Variants in PASK observed in about 807,000 individuals in gnomAD.
PASK encodes the protein PAS domain containing serine/threonine kinase.
A neutral mutation model predicts 121.0 loss-of-function variants in PASK; 110 were observed. That is an observed-to-expected ratio of 0.91 (90% CI 0.78 to 1.06). PASK has a LOEUF of 1.06. Ranked by LOEUF, PASK falls within the 50% of genes least tolerant of loss-of-function variation. The pLI is 0.00. For missense variants in PASK, 1,643 were observed against 1,702.3 expected (o/e 0.97, Z 0.61); for synonymous variants, 686 against 717.8 (o/e 0.96, Z 0.71).
At position 241,137,239 on chromosome 2, in the gene PASK, C is replaced by G; in HGVS notation, c.902G>C (p.Gly301Ala). ...GAAGGTGGTACCGTCCCTGGCTCTT[C>G]CAACAGACCTCTGAATCTTGAGATT... ...PKNLKIQRSVGRARDGTTFPL... is the reference protein window; with the variant it reads ...PKNLKIQRSVARARDGTTFPL... Residue 301 changes from glycine (G) to alanine (A), a missense_variant, in exon 7 of 18, where the codon GGA (glycine) becomes GCA (alanine). This residue lies in a region of PASK where 1,176 missense variants were observed against 1,162.2 expected (regional missense o/e 1.01). Transcript: ENST00000234040. 1.2e-6 allele frequency: 2 copies of G among 1,613,668 alleles called. No individual in the cohort carries two copies. Among genetic ancestry groups the G allele is most frequent in the African/African-American group, 2.7e-5 (2 of 75,056 alleles).
rs779467871 is a variant in PASK, at chr2:241,126,669, C to T, written c.2246G>A (p.Ser749Asn). Reference protein sequence around the residue: ...FSWNLKELFFSDQTDQTSSNC... With the variant: ...FSWNLKELFFNDQTDQTSSNC... Reference sequence around the variant, plus strand: ...TGATGACGTTTGGTCTGTCTGGTCACTGAAAAAGAGTTCCTTGAGGTTCCA... The same window carrying T: ...TGATGACGTTTGGTCTGTCTGGTCATTGAAAAAGAGTTCCTTGAGGTTCCA... Residue 749 changes from serine (S) to asparagine (N), a missense_variant, in exon 10 of 18, where the codon AGT (serine) becomes AAT (asparagine). This residue lies in a region of PASK where 1,176 missense variants were observed against 1,162.2 expected (regional missense o/e 1.01). Transcript: ENST00000234040. 1.2e-6 allele frequency: 2 copies of T among 1,614,096 alleles called. No individual in the cohort carries two copies. Among genetic ancestry groups the T allele is most frequent in the African/African-American group, 2.7e-5 (2 of 74,930 alleles).
At position 241,112,490 on chromosome 2, in the gene PASK, A is replaced by G; in HGVS notation, c.3334-51T>C. ...TTTTTAAAAAAGCAATTCAACTAAAATATGCATTTAAAATAAACTGGAACA... is the reference window on the plus strand; with the variant it reads ...TTTTTAAAAAAGCAATTCAACTAAAGTATGCATTTAAAATAAACTGGAACA... On this transcript the variant is annotated intron_variant, in intron 14 of 17. Transcript: ENST00000234040. The surrounding 1 kb of genome is among the most constrained non-coding windows in gnomAD (Gnocchi z 5.2). 2 of 1,175,780 alleles carry G rather than the reference A, an allele frequency of 1.7e-6. No individual in the cohort carries two copies. The highest frequency in any genetic ancestry group is 1.2e-6 in the Non-Finnish European group (1 of 805,742). 72.8% of individuals were successfully genotyped at this position (1,175,780 alleles called of 1,614,324 possible).
chr2:241,130,672 C>T (rs1031979376), intron 9 of PASK, among the ~76,000 whole-genome samples: 10 of 152,274 alleles, frequency 6.6e-5, no homozygotes, highest in African/African-American at 2.2e-4. Flanking sequence ...CAAATAGAGC[C>T]AACAGCTACC....
chr2:241,107,176 G>A (rs983414787), intron 17 of PASK, among the ~76,000 whole-genome samples, 177 bp downstream of exon 17: 1 of 152,166 alleles, frequency 6.6e-6, no homozygotes, highest in Non-Finnish European at 1.5e-5. Flanking sequence ...GAGGCCTCGG[G>A]ACAGAATCAA....
chr2:241,131,352 G>A (rs1482203615), intron 9 of PASK, among the ~76,000 whole-genome samples: 2 of 152,130 alleles, frequency 1.3e-5, no homozygotes, highest in African/African-American at 4.8e-5. Context: ...GTTGCACCGT[G>A]TTAGCCAGGA....
In PASK at chr2:241,147,228, T is replaced by C. The variant is rs544277586; in HGVS notation, c.-43+2186A>G. ...CACTTAATTATAGCTTCAGAATACA[T>C]TGTAAATGTTGTAAAACCTTACTTT... On this transcript the variant is annotated intron_variant, in intron 1 of 17. Transcript: ENST00000234040. Among the ~76,000 whole-genome samples the C allele has an allele frequency of 1.1e-4, 16 of 152,334 alleles. No homozygotes were observed. The South Asian group carries it at 1.2e-3, about 12-fold the overall frequency.
chr2:241,126,169 C>A, intron 10 of PASK, 27 bp downstream of exon 10: 1 of 1,611,378 alleles, frequency 6.2e-7, no homozygotes, highest in South Asian at 1.1e-5. Flanking sequence ...GAGCACCACA[C>A]TTCTTCCTAT....
At chr2:241,134,529 G>A (rs1428834496) in intron 8 of PASK, 1 of 152,242 alleles carries the variant, frequency 6.6e-6, no homozygotes, top group East Asian at 1.9e-4. Flanking sequence ...ACAATGCCCA[G>A]ACAGCTAAAG....
rs558796291 is a variant in PASK, at chr2:241,115,851, C to T, written c.3073-438G>A. On this transcript the variant is annotated intron_variant, in intron 12 of 17. Transcript: ENST00000234040. Reference sequence around the variant, plus strand: ...CCAGTCCTCAAGCATCCCATTACGCCGGGGCCACCCGGTCCCCAAGCATCC... The same window carrying T: ...CCAGTCCTCAAGCATCCCATTACGCTGGGGCCACCCGGTCCCCAAGCATCC... Among the ~76,000 whole-genome samples the T allele has an allele frequency of 5.9e-4, 81 of 136,572 alleles. 2 individuals are homozygous for T. The South Asian group carries it at 8.5e-3, about 14-fold the overall frequency. The allele number at this position is 136,572 out of a possible 152,430, so 89.6% of individuals were successfully genotyped here.
rs139239907 is a variant in PASK at position 241,122,774 on chromosome 2, G to A, written c.3030C>T (p.Phe1010=). ...TGTCCACAGCAGTCCACACGAAGCC[G>A]AAGGCCCCACTGCCCAGCGGGCTCA... ...STMSPLGSGA[F]GFVWTAVDKE... Residue 1010 remains phenylalanine, a synonymous_variant, in exon 12 of 18, where the codon TTC becomes TTT. Coordinates refer to ENST00000234040, the MANE Select transcript of PASK (RefSeq NM_015148.4). The A allele has an allele frequency of 5.0e-5, 81 of 1,614,112 alleles. No individual in the cohort carries two copies. Among genetic ancestry groups the A allele is most frequent in the Middle Eastern group, 4.9e-4 (3 of 6,062 alleles).
intron 5 of PASK, among the ~76,000 whole-genome samples, chr2:241,138,289 T>G: frequency 6.6e-6 from 1 of 152,246 alleles, no homozygotes; most frequent in Admixed American, 6.5e-5. Context: ...TTGTGGGCCT[T>G]CTTGTTCTTC....
chr2:241,111,781 C>T (rs1457027231), intron 15 of PASK, among the ~76,000 whole-genome samples: 2 of 152,186 alleles, frequency 1.3e-5, no homozygotes, highest in Non-Finnish European at 2.9e-5. Flanking sequence ...AGCGACAGCC[C>T]CTCCAGCCAA....
intron 8 of PASK, chr2:241,134,443 G>T (rs2066311411): frequency 6.6e-6 from 1 of 152,234 alleles, no homozygotes; most frequent in African/African-American, 2.4e-5. Flanking sequence ...TAAAACAAAT[G>T]TTACAATCCA....
chr2:241,122,787 C>T lies in PASK; in HGVS notation c.3017G>A (p.Gly1006Asp). ...CCACACGAAGCCGAAGGCCCCACTG[C>T]CCAGCGGGCTCATGGTACTGTACTT... ...SQKYSTMSPL[G>D]SGAFGFVWTA... The change falls in exon 12 of 18, where the codon GGC becomes GAC. Residue 1006 changes from glycine (G) to aspartate (D), a missense_variant. Gly to Asp is a moderately conservative substitution (Grantham distance 94, BLOSUM62 -1). Transcript: ENST00000234040. The T allele has an allele frequency of 1.2e-6, 2 of 1,614,196 alleles. No homozygotes were observed. The highest frequency in any genetic ancestry group is 1.1e-5 in the South Asian group (1 of 91,088).
At chr2:241,121,416 A>T (rs1408972210) in intron 12 of PASK, among the ~76,000 whole-genome samples, 2 of 152,228 alleles carry the variant, frequency 1.3e-5, no homozygotes, top group Admixed American at 6.5e-5. Context: ...TGACATAATA[A>T]AATATAGTCA....
chr2:241,114,603 A>G, intron 14 of PASK: 1 of 1,057,606 alleles, frequency 9.5e-7, no homozygotes. Flanking sequence ...ATACTTACTG[A>G]AAAGTGAGAA....
In PASK at chr2:241,133,029, A is replaced by C. The variant is rs757679000; in HGVS notation, c.1308T>G (p.Asp436Glu). 6.2e-7 allele frequency: 1 copy of C among 1,613,954 alleles called. No homozygotes were observed. Among genetic ancestry groups the C allele is most frequent in the Non-Finnish European group, 8.5e-7 (1 of 1,179,974 alleles). The change falls in exon 9 of 18, where the codon GAT becomes GAG. Residue 436 changes from aspartate (D) to glutamate (E), a missense_variant and splice_region_variant. This residue lies in a region of PASK where 1,176 missense variants were observed against 1,162.2 expected (regional missense o/e 1.01). Transcript: ENST00000234040. Reference sequence around the variant, plus strand: ...CAGCAAGCACGACATTAATCCTTGGATCTGGCAGCAACACCAAAAAAGAGC... The same window carrying C: ...CAGCAAGCACGACATTAATCCTTGGCTCTGGCAGCAACACCAAAAAAGAGC... ...QGQDPAEGGQDPRINVVLAGG... is the reference protein window; with the variant it reads ...QGQDPAEGGQEPRINVVLAGG...
At chr2:241,138,891 G>T in intron 4 of PASK, 97 bp from the exon 5 acceptor site, 2 of 1,181,508 alleles carry the variant, frequency 1.7e-6, no homozygotes, top group Non-Finnish European at 2.5e-6. Context: ...TCCAGGCACT[G>T]CAACGTTTTC....
At chr2:241,149,244 G>A (rs988888291) in intron 1 of PASK, among the ~76,000 whole-genome samples, 170 bp downstream of exon 1, 1 of 152,204 alleles carries the variant, frequency 6.6e-6, no homozygotes, top group Non-Finnish European at 1.5e-5. Flanking sequence ...ACGCGGGCTC[G>A]GCGGTGCGCG....
Sources: gnomAD v4.1 joint callset for allele counts (sites outside exome capture counted in the v4.1 genomes callset) on GRCh38, gnomAD v4.1.1 for gene constraint, gnomAD v4.1.1 regional missense constraint, Gnocchi (gnomAD v3.1) non-coding constraint, MANE v1.5 for transcripts, NCBI Gene and HGNC (gene_info 2026-07-23, HGNC 2026-07-21) for gene names.